The following KLF8 variants were observed in gnomAD, a reference collection of about 807,000 sequenced individuals.
KLF8 encodes Krueppel-like factor 8.
A neutral mutation model predicts 18.2 loss-of-function variants in KLF8; 10 were observed. The ratio of observed to expected loss-of-function variants is 0.55; its 90% CI spans 0.34 to 0.93. The LOEUF is 0.93. Among genes scored for constraint, KLF8 ranks in the 40% least tolerant of loss-of-function variants. The pLI is 0.02. For missense variants in KLF8, 264 were observed against 277.9 expected, an observed-to-expected ratio of 0.95 and a Z score of 0.36; for synonymous variants, 109 against 97.3, an observed-to-expected ratio of 1.12 and a Z score of -0.71.
chrX:56,223,729 T>C, the KLF8 span, among the ~76,000 whole-genome samples: 11 of 112,254 alleles, frequency 9.8e-5, no homozygotes, highest in African/African-American at 3.6e-4. Flanking sequence ...AAGCCAAATT[T>C]CTAAGCAGAG....
At chrX:55,980,779 C>G in the KLF8 span, among the ~76,000 whole-genome samples, 1 of 112,237 alleles carries the variant, frequency 8.9e-6, no homozygotes, top group Admixed American at 9.4e-5. Context: ...AGAGTATGCA[C>G]TTTGTGCACA....
chrX:56,035,739 T>C, the KLF8 span, among the ~76,000 whole-genome samples: 2 of 112,122 alleles, frequency 1.8e-5, no homozygotes, highest in Non-Finnish European at 3.8e-5. Flanking sequence ...TTTTCATATA[T>C]TTGTTGGCCA....
At chrX:56,168,228 A>G in the KLF8 span, among the ~76,000 whole-genome samples, 1 of 112,427 alleles carries the variant, frequency 8.9e-6, no homozygotes, top group African/African-American at 3.2e-5. Context: ...AACAAAGTCA[A>G]CAAACAAGAA....
At chrX:56,208,105 C>T in the KLF8 span, among the ~76,000 whole-genome samples, 1 of 111,129 alleles carries the variant, frequency 9.0e-6, no homozygotes, top group Non-Finnish European at 1.9e-5. Context: ...CAATTATATC[C>T]ACATAGTCCT....
At chrX:56,192,749 G>C in the KLF8 span, among the ~76,000 whole-genome samples, 1 of 112,152 alleles carries the variant, frequency 8.9e-6, no homozygotes, top group Non-Finnish European at 1.9e-5. Flanking sequence ...TGGGAAAACT[G>C]GATATCCATA....
chrX:55,940,369 G>C, the KLF8 span, among the ~76,000 whole-genome samples: 1 of 111,279 alleles, frequency 9.0e-6, no homozygotes, highest in Non-Finnish European at 1.9e-5. Context: ...TTATTGATGG[G>C]ACGTATCTCA....
At chrX:56,256,225 A>G (rs1488351512) in intron 2 of KLF8, among the ~76,000 whole-genome samples, 1 of 111,207 alleles carries the variant, frequency 9.0e-6, no homozygotes, top group Non-Finnish European at 1.9e-5. Flanking sequence ...ATCAGTTGTA[A>G]TGTCTCCTTT....
At chrX:56,155,238 A>T in the KLF8 span, among the ~76,000 whole-genome samples, 1 of 112,034 alleles carries the variant, frequency 8.9e-6, no homozygotes, top group Non-Finnish European at 1.9e-5. Flanking sequence ...GGATTAAGAA[A>T]ATGTGGCACA....
chrX:56,093,610 A>G, the KLF8 span, among the ~76,000 whole-genome samples: 1 of 111,058 alleles, frequency 9.0e-6, no homozygotes, highest in East Asian at 2.8e-4. Context: ...CCAAAATTAA[A>G]AAAAAGGAGT....
At chrX:56,249,393 T>C (rs774171870) in intron 1 of KLF8, among the ~76,000 whole-genome samples, 50 of 112,260 alleles carry the variant, frequency 4.5e-4, no homozygotes, top group Admixed American at 3.9e-3. Context: ...CAACAGTAGA[T>C]TACACTGTCT....
chrX:56,097,369 G>T, the KLF8 span, among the ~76,000 whole-genome samples: 1 of 101,881 alleles, frequency 9.8e-6, no homozygotes, highest in Non-Finnish European at 2.0e-5. Context: ...CTGAGGCAGG[G>T]TACAGGCTGA....
At chrX:55,934,270 TTTAA>T in the KLF8 span, among the ~76,000 whole-genome samples, 1 of 111,445 alleles carries the variant, frequency 9.0e-6, no homozygotes, top group Admixed American at 9.6e-5. Context: ...TTTAATGGGG[TTTAA>T]TTAAGATTTT....
the KLF8 span, among the ~76,000 whole-genome samples, chrX:56,007,934 C>A: frequency 1.8e-5 from 2 of 109,719 alleles, no homozygotes; most frequent in African/African-American, 6.7e-5. Flanking sequence ...GAAGATGTAC[C>A]CCTGAACTTA....
the KLF8 span, among the ~76,000 whole-genome samples, chrX:56,032,108 C>G: frequency 9.0e-6 from 1 of 110,926 alleles, no homozygotes; most frequent in Non-Finnish European, 1.9e-5. Context: ...GGTCTGGTGC[C>G]TGGCGCCGGG....
chrX:56,265,769 C>T (rs1216402254), intron 3 of KLF8, 25 bp downstream of exon 3: 3 of 1,176,719 alleles, frequency 2.5e-6, no homozygotes, highest in Non-Finnish European at 3.4e-6. Flanking sequence ...TGCCTCTTTC[C>T]TGGCCTTCCT....
At chrX:56,013,053 C>G in the KLF8 span, among the ~76,000 whole-genome samples, 1 of 111,798 alleles carries the variant, frequency 8.9e-6, no homozygotes, top group African/African-American at 3.3e-5. Context: ...ATAAGACCAC[C>G]CATCTACAAC....
At chrX:56,112,126 T>C in the KLF8 span, among the ~76,000 whole-genome samples, 7 of 112,017 alleles carry the variant, frequency 6.2e-5, no homozygotes, top group East Asian at 1.9e-3. Flanking sequence ...ATGTGGTGCA[T>C]ATACACCATG....
chrX:55,919,271 G>A, the KLF8 span, among the ~76,000 whole-genome samples: 4 of 112,067 alleles, frequency 3.6e-5, no homozygotes, highest in South Asian at 1.5e-3. Flanking sequence ...CTAGCTTGCA[G>A]CTCCTGGTCA....
intron 1 of KLF8, among the ~76,000 whole-genome samples, chrX:56,238,484 A>G (rs1366806058): frequency 8.9e-6 from 1 of 111,902 alleles, no homozygotes; most frequent in Non-Finnish European, 1.9e-5. Flanking sequence ...TCAAAAGAAA[A>G]CAAAAATTCT....
Sources: allele counts gnomAD v4.1 joint callset (sites outside exome capture counted in the v4.1 genomes callset), GRCh38; gene constraint gnomAD v4.1.1; transcripts MANE v1.5; gene names NCBI Gene and HGNC (gene_info 2026-07-23, HGNC 2026-07-21).